DYNC1I1: variants seen among roughly 807,000 people sequenced by gnomAD.
The protein encoded by DYNC1I1 is dynein cytoplasmic 1 intermediate chain 1, also known as cytoplasmic dynein 1 intermediate chain 1.
A neutral mutation model predicts 86.6 loss-of-function variants in DYNC1I1; 43 were observed. The observed-to-expected ratio is 0.50, with a 90% confidence interval of 0.39 to 0.64. The LOEUF (loss-of-function observed/expected upper bound fraction) is 0.64. Among genes scored for constraint, DYNC1I1 ranks in the 30% least tolerant of loss-of-function variants. DYNC1I1 has a pLI of 0.00. For missense variants in DYNC1I1, 604 were observed against 788.8 expected (o/e 0.77, Z 2.81); for synonymous variants, 262 against 283.7 (o/e 0.92, Z 0.77).
chr7:95,932,453 A>C (rs1210448521), intron 6 of DYNC1I1, among the ~76,000 whole-genome samples: 1 of 152,192 alleles, frequency 6.6e-6, no homozygotes, highest in Non-Finnish European at 1.5e-5. Flanking sequence ...CTGGGCAGGG[A>C]CTACTCTAGG....
chr7:95,808,979 T>C (rs1794765788), intron 2 of DYNC1I1, among the ~76,000 whole-genome samples: 1 of 152,154 alleles, frequency 6.6e-6, no homozygotes, highest in Non-Finnish European at 1.5e-5. Flanking sequence ...GTAGTTTAAA[T>C]GTTAAAATTG....
intron 4 of DYNC1I1, 55 bp downstream of exon 4, chr7:95,813,392 A>AC: frequency 1.3e-6 from 2 of 1,549,226 alleles, no homozygotes; most frequent in Non-Finnish European, 1.7e-6. Context: ...AAAAAAAAAA[A>AC]ACAGCAACAA....
intron 14 of DYNC1I1, among the ~76,000 whole-genome samples, chr7:96,049,257 C>CAAAAAAAA (rs200677000): frequency 1.3e-5 from 1 of 76,058 alleles, no homozygotes; most frequent in Non-Finnish European, 2.7e-5. Context: ...GACTCCATCT[C>CAAAAAAAA]AAAAAAAAAA....
At chr7:95,852,301 G>T (rs1789599769) in intron 5 of DYNC1I1, among the ~76,000 whole-genome samples, 1 of 151,778 alleles carries the variant, frequency 6.6e-6, no homozygotes, top group Non-Finnish European at 1.5e-5. Context: ...TCATATAATT[G>T]TTCATAATAG....
At chr7:96,048,558 A>G (rs1247446492) in intron 14 of DYNC1I1, among the ~76,000 whole-genome samples, 1 of 152,190 alleles carries the variant, frequency 6.6e-6, no homozygotes, top group African/African-American at 2.4e-5. Context: ...GAAGCCTTCC[A>G]AGTAATCCAG....
At chr7:95,961,166 T>C (rs1027661476) in intron 6 of DYNC1I1, among the ~76,000 whole-genome samples, 2 of 152,298 alleles carry the variant, frequency 1.3e-5, no homozygotes, top group East Asian at 1.9e-4. Context: ...TCAAATCTCA[T>C]TGGAATTGGG....
chr7:96,087,212 C>T (rs1790707341), intron 16 of DYNC1I1, among the ~76,000 whole-genome samples: 1 of 152,156 alleles, frequency 6.6e-6, no homozygotes, highest in African/African-American at 2.4e-5. Context: ...AATTCTCCTC[C>T]TTGAGGAAGT....
intron 6 of DYNC1I1, among the ~76,000 whole-genome samples, chr7:95,964,127 G>C (rs1384686306): frequency 6.6e-6 from 1 of 152,160 alleles, no homozygotes; most frequent in East Asian, 1.9e-4. Context: ...TCTTCCTTGA[G>C]AATCTGACTG....
chr7:95,916,134 A>G (rs1044173488), intron 6 of DYNC1I1, among the ~76,000 whole-genome samples: 3 of 152,206 alleles, frequency 2.0e-5, no homozygotes, highest in African/African-American at 7.2e-5. Flanking sequence ...ACTGGTGCCC[A>G]TATTTAAAAT....
At chr7:95,941,768 GC>G (rs1242963282) in intron 6 of DYNC1I1, among the ~76,000 whole-genome samples, 1 of 152,210 alleles carries the variant, frequency 6.6e-6, no homozygotes, top group East Asian at 1.9e-4. Context: ...GTGAGGCAAT[GC>G]CTTGCCCTGC....
chr7:96,002,095 C>T (rs1794026082), intron 10 of DYNC1I1, among the ~76,000 whole-genome samples: 2 of 152,124 alleles, frequency 1.3e-5, no homozygotes, highest in African/African-American at 4.8e-5. Context: ...TTTGGAGGTA[C>T]CCACCATGGC....
chr7:95,838,529 G>C (rs1259721924), intron 5 of DYNC1I1, among the ~76,000 whole-genome samples: 1 of 152,074 alleles, frequency 6.6e-6, no homozygotes, highest in Non-Finnish European at 1.5e-5. Context: ...AAGGTCTTTT[G>C]GGGTTCCATA....
chr7:95,779,377 G>A (rs949326708), intron 1 of DYNC1I1, among the ~76,000 whole-genome samples: 1 of 152,178 alleles, frequency 6.6e-6, no homozygotes, highest in Non-Finnish European at 1.5e-5. Flanking sequence ...TTCTTCGTCT[G>A]TAAAATGGGG....
intron 6 of DYNC1I1, among the ~76,000 whole-genome samples, chr7:95,918,080 G>A (rs1322478097): frequency 6.6e-6 from 1 of 152,184 alleles, no homozygotes; most frequent in Non-Finnish European, 1.5e-5. Context: ...TTATTTTAAA[G>A]AGAAGCTGAG....
chr7:95,931,605 C>T (rs1415735776), intron 6 of DYNC1I1, among the ~76,000 whole-genome samples: 1 of 152,120 alleles, frequency 6.6e-6, no homozygotes, highest in East Asian at 1.9e-4. Context: ...AGTTCTAACC[C>T]AAAGGCCAAT....
intron 6 of DYNC1I1, among the ~76,000 whole-genome samples, chr7:95,948,379 G>T (rs1357263053): frequency 6.6e-6 from 1 of 152,144 alleles, no homozygotes; most frequent in African/African-American, 2.4e-5. Flanking sequence ...ATAGACAGGG[G>T]TTGTCCACAT....
chr7:96,017,141 C>A (rs1436255915), intron 10 of DYNC1I1, among the ~76,000 whole-genome samples: 1 of 152,166 alleles, frequency 6.6e-6, no homozygotes, highest in East Asian at 1.9e-4. Flanking sequence ...CTCTCTAGTT[C>A]ATACTTTCAT....
At chr7:95,862,877 C>T (rs1369419942) in intron 5 of DYNC1I1, among the ~76,000 whole-genome samples, 1 of 152,118 alleles carries the variant, frequency 6.6e-6, no homozygotes, top group Non-Finnish European at 1.5e-5. Flanking sequence ...TGTACATCCT[C>T]CTGTATAAAT....
intron 7 of DYNC1I1, among the ~76,000 whole-genome samples, chr7:95,981,865 A>G (rs535571904): frequency 1.2e-4 from 19 of 152,296 alleles, no homozygotes; most frequent in African/African-American, 4.6e-4. Flanking sequence ...ATAATTTATT[A>G]GATTCCAGGG....
Sources: gnomAD v4.1 joint callset for allele counts (sites outside exome capture counted in the v4.1 genomes callset) on GRCh38, gnomAD v4.1.1 for gene constraint, MANE v1.5 for transcripts, NCBI Gene and HGNC (gene_info 2026-07-23, HGNC 2026-07-21) for gene names.